BICC1: variants seen among roughly 807,000 people sequenced by gnomAD.
BICC1 encodes protein bicaudal C homolog 1.
Under a neutral mutation model 111.0 loss-of-function variants are expected in BICC1, and 43 were observed. That is an observed-to-expected ratio of 0.39 (90% CI 0.30 to 0.50). The LOEUF (loss-of-function observed/expected upper bound fraction) is 0.50. Among genes scored for constraint, BICC1 ranks in the 20% least tolerant of loss-of-function variants. The probability of loss-of-function intolerance (pLI) is 0.88; values close to 1 mark genes in which losing one functional copy is unlikely to be tolerated. For missense variants in BICC1, 1,091 were observed against 1,203.2 expected (o/e 0.91, Z 1.38); for synonymous variants, 467 against 434.4 (o/e 1.07, Z -0.93).
At chr10:58,776,897 C>T (rs1454898354) in intron 3 of BICC1, among the ~76,000 whole-genome samples, 22 of 152,018 alleles carry the variant, frequency 1.4e-4, no homozygotes, top group Non-Finnish European at 2.9e-5. Flanking sequence ...TTGAGTTAGG[C>T]TTTTTGTTTC....
intron 1 of BICC1, among the ~76,000 whole-genome samples, chr10:58,597,952 C>T (rs1456080964): frequency 6.6e-6 from 1 of 152,018 alleles, no homozygotes; most frequent in African/African-American, 2.4e-5. Flanking sequence ...TCAATTTGTA[C>T]AGGTAACACA....
chr10:58,755,794 C>G (rs1398658758), intron 3 of BICC1, among the ~76,000 whole-genome samples: 1 of 151,900 alleles, frequency 6.6e-6, no homozygotes, highest in East Asian at 1.9e-4. Context: ...TTTGATTCCA[C>G]AGAGTTACAG....
chr10:58,615,313 C>A (rs1866166), intron 1 of BICC1, among the ~76,000 whole-genome samples: 151,156 of 152,350 alleles, frequency 0.99, 74,996 homozygotes, highest in East Asian at 1. Flanking sequence ...CAAATGGCCT[C>A]CATCAGTGTG....
At chr10:58,644,835 A>G (rs938960678) in intron 2 of BICC1, among the ~76,000 whole-genome samples, 7 of 152,134 alleles carry the variant, frequency 4.6e-5, no homozygotes, top group Non-Finnish European at 8.8e-5. Flanking sequence ...GCAGTGATAG[A>G]TTTTGCCTAT....
chr10:58,731,475 A>G (rs976935025), intron 3 of BICC1, among the ~76,000 whole-genome samples: 6 of 152,142 alleles, frequency 3.9e-5, no homozygotes, highest in Non-Finnish European at 8.8e-5. Context: ...CTTTGTATTA[A>G]TACCCCACTC....
At chr10:58,639,461 C>T (rs1190974885) in intron 2 of BICC1, among the ~76,000 whole-genome samples, 1 of 146,204 alleles carries the variant, frequency 6.8e-6, no homozygotes, top group Non-Finnish European at 1.5e-5. Context: ...GTGGTGCAAT[C>T]TCGGCTCACT....
intron 1 of BICC1, among the ~76,000 whole-genome samples, chr10:58,577,296 C>T (rs1844141719): frequency 1.3e-5 from 2 of 152,120 alleles, no homozygotes; most frequent in Non-Finnish European, 2.9e-5. Flanking sequence ...TTAAGGGCAC[C>T]AACTAGTAAG....
intron 20 of BICC1, chr10:58,823,641 A>G: frequency 2.0e-6 from 2 of 985,240 alleles, no homozygotes; most frequent in Non-Finnish European, 2.4e-6. Context: ...TATACATGTT[A>G]TATATGCTAA....
chr10:58,589,421 CAG>C (rs1844532035), intron 1 of BICC1, among the ~76,000 whole-genome samples: 1 of 151,630 alleles, frequency 6.6e-6, no homozygotes, highest in African/African-American at 2.4e-5. Context: ...AGCTGGCACA[CAG>C]AGCTAATAAT....
rs71006209 is a variant in BICC1, at chr10:58,829,191, ATTTTTTTTTTTTTT to A, written c.*318_*331del. ...TACCTATATAACATATGCACTGATG[ATTTTTTTTTTTTTT>A]TTTTTTTTTTTTTTTTTACTTAAAA... is the stretch of plus-strand genomic sequence containing the variant. On this transcript the variant is annotated 3_prime_UTR_variant, in exon 21 of 21. Transcript: ENST00000373886. The A allele has an allele frequency of 1.8e-3, 78 of 42,422 alleles. No individual in the cohort carries two copies. The highest frequency in any genetic ancestry group is 0.048 in the Middle Eastern group (2 of 42). The allele number at this position is 42,422 out of a possible 1,614,324, so 2.6% of individuals were successfully genotyped here.
At chr10:58,662,198 A>T (rs1026716465) in intron 2 of BICC1, among the ~76,000 whole-genome samples, 3 of 152,198 alleles carry the variant, frequency 2.0e-5, no homozygotes, top group African/African-American at 7.2e-5. Context: ...AATACAAATG[A>T]CACATATCTT....
intron 1 of BICC1, among the ~76,000 whole-genome samples, chr10:58,540,819 G>A (rs1842951993): frequency 6.6e-6 from 1 of 152,048 alleles, no homozygotes; most frequent in South Asian, 2.1e-4. Flanking sequence ...CAAAATTTTA[G>A]CAAACTGAAT....
chr10:58,789,155 G>A, intron 6 of BICC1, 107 bp from the exon 7 acceptor site: 1 of 968,384 alleles, frequency 1.0e-6, no homozygotes, highest in Non-Finnish European at 1.5e-6. Context: ...TATAAGGGCA[G>A]TTTATGCTTT....
At chr10:58,813,715 G>T in intron 17 of BICC1, 115 bp from the exon 18 acceptor site, 1 of 1,069,706 alleles carries the variant, frequency 9.3e-7, no homozygotes. Context: ...ATGAGTAACT[G>T]CGGTGGTTGG....
At chr10:58,640,603 CTG>C (rs1483568938) in intron 2 of BICC1, among the ~76,000 whole-genome samples, 7 of 152,182 alleles carry the variant, frequency 4.6e-5, no homozygotes, top group African/African-American at 1.4e-4. Context: ...ACTCAATTAA[CTG>C]TGCATTTACT....
chr10:58,638,305 TA>T (rs1011647745), intron 2 of BICC1, among the ~76,000 whole-genome samples: 6 of 151,790 alleles, frequency 4.0e-5, no homozygotes, highest in African/African-American at 1.5e-4. Context: ...TTATGGTAAG[TA>T]ATTACAGAGT....
chr10:58,592,825 C>T (rs1396359659), intron 1 of BICC1, among the ~76,000 whole-genome samples: 8 of 139,760 alleles, frequency 5.7e-5, no homozygotes, highest in African/African-American at 1.6e-4. Flanking sequence ...TGCAGTGAGC[C>T]GAGATCGCAC....
chr10:58,647,984 A>G (rs1838320582), intron 2 of BICC1, among the ~76,000 whole-genome samples: 6 of 152,180 alleles, frequency 3.9e-5, no homozygotes, highest in Admixed American at 3.3e-4. Context: ...ATTTTCCAGA[A>G]ACCACATATT....
At chr10:58,772,342 T>C (rs556349092) in intron 3 of BICC1, among the ~76,000 whole-genome samples, 1 of 152,342 alleles carries the variant, frequency 6.6e-6, no homozygotes, top group South Asian at 2.1e-4. Context: ...CTTCTCTCAC[T>C]TGCCTCTATT....
Sources: gnomAD v4.1 joint callset for allele counts (sites outside exome capture counted in the v4.1 genomes callset) on GRCh38, gnomAD v4.1.1 for gene constraint, MANE v1.5 for transcripts, NCBI Gene and HGNC (gene_info 2026-07-23, HGNC 2026-07-21) for gene names.